The following GLIS1 variants were observed in gnomAD, a reference collection of about 807,000 sequenced individuals.
GLIS1 encodes the protein GLIS family zinc finger 1.
GLIS1 carries 24 observed loss-of-function variants against 63.8 expected under a neutral mutation model. The observed-to-expected ratio is 0.38, with a 90% CI of 0.27 to 0.53. The LOEUF is 0.53. Among genes scored for constraint, GLIS1 ranks in the 20% least tolerant of loss-of-function variants. GLIS1 has a pLI of 0.85. For missense variants in GLIS1, 1,036 were observed against 1,074.1 expected (o/e 0.96, Z 0.50); for synonymous variants, 450 against 482.5 (o/e 0.93, Z 0.88).
At chr1:53,536,365 C>T (rs934570047) in intron 4 of GLIS1, among the ~76,000 whole-genome samples, 3 of 151,960 alleles carry the variant, frequency 2.0e-5, no homozygotes, top group Admixed American at 6.5e-5. Flanking sequence ...TCTTATTTAC[C>T]CCAAAATACA....
At chr1:53,534,842 C>G (rs1393584369) in intron 4 of GLIS1, among the ~76,000 whole-genome samples, 1 of 151,986 alleles carries the variant, frequency 6.6e-6, no homozygotes, top group Admixed American at 6.6e-5. Flanking sequence ...CGTCAAAGAC[C>G]CATAGCTCCA....
chr1:53,569,032 T>C (rs896867397), intron 4 of GLIS1, among the ~76,000 whole-genome samples: 1 of 152,184 alleles, frequency 6.6e-6, no homozygotes, highest in East Asian at 1.9e-4. Context: ...AAATGCATAT[T>C]ACTAAATGAA....
intron 7 of GLIS1, among the ~76,000 whole-genome samples, chr1:53,517,516 A>G (rs1163946622): frequency 6.6e-6 from 1 of 152,170 alleles, no homozygotes; most frequent in Non-Finnish European, 1.5e-5. Context: ...GGGAAGGCTT[A>G]GAATCCTGAT....
intron 2 of GLIS1, among the ~76,000 whole-genome samples, chr1:53,609,483 C>T (rs573562504): frequency 1.6e-4 from 24 of 152,116 alleles, no homozygotes; most frequent in Admixed American, 1.6e-3. Flanking sequence ...ATTGGCCAGG[C>T]TGGTCTTGAA....
At chr1:53,661,605 G>A (rs1171900598) in intron 2 of GLIS1, among the ~76,000 whole-genome samples, 2 of 152,192 alleles carry the variant, frequency 1.3e-5, no homozygotes, top group African/African-American at 2.4e-5. Context: ...GAAGGACCCT[G>A]AAGGCCTGAT....
intron 2 of GLIS1, among the ~76,000 whole-genome samples, chr1:53,618,450 C>A (rs1645506098): frequency 6.6e-6 from 1 of 152,212 alleles, no homozygotes; most frequent in Non-Finnish European, 1.5e-5. Context: ...AGTTGAAACC[C>A]ACTGGTTTCT....
At chr1:53,679,865 A>G (rs1230446625) in intron 2 of GLIS1, among the ~76,000 whole-genome samples, 1 of 152,210 alleles carries the variant, frequency 6.6e-6, no homozygotes, top group Non-Finnish European at 1.5e-5. Context: ...CTTTCTTGTA[A>G]AGAGGATACT....
chr1:53,595,266 C>T (rs1645243184), intron 3 of GLIS1, among the ~76,000 whole-genome samples: 2 of 152,092 alleles, frequency 1.3e-5, no homozygotes, highest in Non-Finnish European at 1.5e-5. Flanking sequence ...CCTATAATCC[C>T]AGCACTTTGG....
intron 2 of GLIS1, among the ~76,000 whole-genome samples, chr1:53,627,075 G>T (rs1645602339): frequency 6.6e-6 from 1 of 152,184 alleles, no homozygotes; most frequent in African/African-American, 2.4e-5. Context: ...CTCGTTCCGG[G>T]TCCCACAACC....
chr1:53,707,350 C>T (rs1195644128), intron 2 of GLIS1, among the ~76,000 whole-genome samples: 3 of 152,196 alleles, frequency 2.0e-5, no homozygotes, highest in African/African-American at 4.8e-5. Context: ...AGGATTCTTG[C>T]TATTAAAGAA....
intron 2 of GLIS1, among the ~76,000 whole-genome samples, chr1:53,653,654 C>T (rs916751258): frequency 6.6e-6 from 1 of 152,198 alleles, no homozygotes; most frequent in African/African-American, 2.4e-5. Flanking sequence ...CATGTGAATT[C>T]CTTCTTCCTG....
chr1:53,552,771 A>C (rs1288309010), intron 4 of GLIS1, among the ~76,000 whole-genome samples: 1 of 152,176 alleles, frequency 6.6e-6, no homozygotes, highest in Non-Finnish European at 1.5e-5. Context: ...CACATGAGAC[A>C]ATCTCTCTGA....
At chr1:53,508,251 C>T (rs1557937348) in intron 10 of GLIS1, among the ~76,000 whole-genome samples, 1 of 152,236 alleles carries the variant, frequency 6.6e-6, no homozygotes, top group African/African-American at 2.4e-5. Flanking sequence ...CCCGCAAGCA[C>T]GGGCACACGC....
chr1:53,567,160 T>C (rs1644943046), intron 4 of GLIS1, among the ~76,000 whole-genome samples: 2 of 152,334 alleles, frequency 1.3e-5, no homozygotes, highest in Non-Finnish European at 1.5e-5. Context: ...TGGTCTCAGA[T>C]GGAGATGAGG....
intron 4 of GLIS1, among the ~76,000 whole-genome samples, chr1:53,559,507 C>T (rs1228442643): frequency 6.6e-6 from 1 of 152,198 alleles, no homozygotes; most frequent in East Asian, 1.9e-4. Flanking sequence ...TCCTGCCAGG[C>T]GACCTCAGGC....
chr1:53,692,627 G>A (rs1444935747), intron 2 of GLIS1, among the ~76,000 whole-genome samples: 2 of 152,332 alleles, frequency 1.3e-5, no homozygotes, highest in South Asian at 2.1e-4. Flanking sequence ...TGTGGGTGTA[G>A]CTGGGGGAGG....
intron 2 of GLIS1, among the ~76,000 whole-genome samples, chr1:53,617,666 C>T (rs1645496857): frequency 6.6e-6 from 1 of 152,236 alleles, no homozygotes; most frequent in Non-Finnish European, 1.5e-5. Context: ...ACATTGTTTA[C>T]AAGTTATTTC....
intron 2 of GLIS1, among the ~76,000 whole-genome samples, chr1:53,735,259 A>G (rs1646901660): frequency 6.6e-6 from 1 of 152,232 alleles, no homozygotes; most frequent in African/African-American, 2.4e-5. Flanking sequence ...TTAAAAATGT[A>G]ACCTTGCTTC....
chr1:53,604,922 GTGTGTGTGTGTATATATA>G (rs1217366031), intron 2 of GLIS1, among the ~76,000 whole-genome samples: 2 of 18,522 alleles, frequency 1.1e-4, no homozygotes, highest in Non-Finnish European at 2.4e-3. Flanking sequence ...ATGTGTGTGT[GTGTGTGTGTGTATATATA>G]TACATATATA....
Sources: allele counts gnomAD v4.1 joint callset (sites outside exome capture counted in the v4.1 genomes callset), GRCh38; gene constraint gnomAD v4.1.1; transcripts MANE v1.5; gene names NCBI Gene and HGNC (gene_info 2026-07-23, HGNC 2026-07-21).